Variants in DLGAP1 observed in about 807,000 individuals in gnomAD.
DLGAP1 encodes DLG associated protein 1, also known as disks large-associated protein 1.
DLGAP1 carries 11 observed loss-of-function variants against 90.8 expected under a neutral mutation model. The ratio of observed to expected loss-of-function variants is 0.12; its 90% confidence interval spans 0.08 to 0.20. DLGAP1 has a LOEUF of 0.20. DLGAP1 is among the 10% of genes least tolerant of loss of function. The pLI, the probability that DLGAP1 is intolerant of heterozygous loss-of-function variation, is 1.00. For synonymous variants in DLGAP1, 558 were observed against 540.7 expected, an observed-to-expected ratio of 1.03 and a Z score of -0.44; for missense variants, 1,050 against 1,333.8, an observed-to-expected ratio of 0.79 and a Z score of 3.31.
Position 3,611,148 on chromosome 18 carries a change from A to G in DLGAP1, c.1592-28900T>C, listed in dbSNP as rs865895487. ...CCCTGTCTTTAAAAAAAAAAAGTGTATACTTTTTTTTCCTGTTAATTTACT... is the reference window on the plus strand; with the variant it reads ...CCCTGTCTTTAAAAAAAAAAAGTGTGTACTTTTTTTTCCTGTTAATTTACT... On this transcript the variant is annotated intron_variant, in intron 7 of 12. Coordinates refer to ENST00000315677, the MANE Select transcript of DLGAP1 (RefSeq NM_004746.4). Among the ~76,000 whole-genome samples the G allele has an allele frequency of 1.6e-4, 24 of 151,870 alleles. No individual in the cohort carries two copies. The South Asian group carries it at 4.8e-3, about 30-fold the overall frequency.
intron 7 of DLGAP1, among the ~76,000 whole-genome samples, chr18:3,684,504 TG>T (rs1183085975): frequency 6.6e-6 from 1 of 152,060 alleles, no homozygotes; most frequent in East Asian, 1.9e-4. Flanking sequence ...CTGGCCAAGA[TG>T]TTTTTATTTA....
At chr18:3,887,123 G>A (rs146137625) in intron 3 of DLGAP1, among the ~76,000 whole-genome samples, 227 of 152,318 alleles carry the variant, frequency 1.5e-3, no homozygotes, top group African/African-American at 5.3e-3. Context: ...CCCATAGGAA[G>A]CCAGAGTCCC....
intron 1 of DLGAP1, among the ~76,000 whole-genome samples, chr18:4,259,135 T>G (rs1190036216): frequency 1.3e-5 from 2 of 152,130 alleles, no homozygotes; most frequent in Non-Finnish European, 2.9e-5. Flanking sequence ...CTCCTAGCAA[T>G]CATTCACCCT....
chr18:3,666,480 GCCGCACAGATAAAGCCCATGGAACA>G (rs1438387699), intron 7 of DLGAP1, among the ~76,000 whole-genome samples: 1 of 152,108 alleles, frequency 6.6e-6, no homozygotes, highest in East Asian at 1.9e-4. Flanking sequence ...CTGTCATTAC[GCCGCACAGATAAAGCCCATGGAACA>G]CCTACCAATC....
chr18:3,544,957 T>A (rs1216878591), intron 9 of DLGAP1, among the ~76,000 whole-genome samples: 2 of 151,920 alleles, frequency 1.3e-5, no homozygotes, highest in African/African-American at 4.8e-5. Flanking sequence ...ATAAAGTCAT[T>A]TTAATTTCTC....
intron 1 of DLGAP1, among the ~76,000 whole-genome samples, chr18:4,196,303 G>C (rs114061989): frequency 9.6e-4 from 146 of 152,312 alleles, no homozygotes; most frequent in African/African-American, 3.4e-3. Context: ...AACTGACCTT[G>C]CCTGAGTACA....
intron 1 of DLGAP1, among the ~76,000 whole-genome samples, chr18:4,339,108 GGTTTT>G (rs2081135110): frequency 6.6e-6 from 1 of 152,130 alleles, no homozygotes; most frequent in East Asian, 1.9e-4. Context: ...CATGAAACTG[GGTTTT>G]GACTCCATTC....
chr18:4,088,509 T>A (rs529840423), intron 2 of DLGAP1, among the ~76,000 whole-genome samples: 1 of 152,190 alleles, frequency 6.6e-6, no homozygotes, highest in Non-Finnish European at 1.5e-5. Flanking sequence ...TTTTTGAGGA[T>A]CCAAGTTTCT....
At chr18:4,401,789 A>G (rs1245413012) in intron 1 of DLGAP1, among the ~76,000 whole-genome samples, 2 of 152,032 alleles carry the variant, frequency 1.3e-5, no homozygotes, top group African/African-American at 2.4e-5. Flanking sequence ...GTTTGAAAAG[A>G]AAAGCCATGT....
chr18:3,838,870 A>G (rs2068548131), intron 4 of DLGAP1, among the ~76,000 whole-genome samples: 1 of 152,218 alleles, frequency 6.6e-6, no homozygotes, highest in Non-Finnish European at 1.5e-5. Context: ...AAAATAAATT[A>G]GCATGCATTT....
chr18:4,360,370 A>G (rs1184662748), intron 1 of DLGAP1, among the ~76,000 whole-genome samples: 2 of 152,242 alleles, frequency 1.3e-5, no homozygotes, highest in Non-Finnish European at 2.9e-5. Context: ...GAGTGTCTAG[A>G]ACAGACTTAC....
intron 3 of DLGAP1, among the ~76,000 whole-genome samples, chr18:3,916,299 C>T (rs1461569900): frequency 6.6e-6 from 1 of 152,194 alleles, no homozygotes; most frequent in Non-Finnish European, 1.5e-5. Flanking sequence ...CTTGGGCTCC[C>T]TGCCATCTGT....
At chr18:4,452,148 T>C (rs1414869601) in intron 1 of DLGAP1, among the ~76,000 whole-genome samples, 1 of 152,130 alleles carries the variant, frequency 6.6e-6, no homozygotes, top group Non-Finnish European at 1.5e-5. Flanking sequence ...AGGAAACCAA[T>C]TTCCTCTCCT....
chr18:3,573,700 TTTTA>T (rs887133053), intron 8 of DLGAP1, among the ~76,000 whole-genome samples: 1 of 152,016 alleles, frequency 6.6e-6, no homozygotes, highest in African/African-American at 2.4e-5. Flanking sequence ...CAGGTTTTTA[TTTTA>T]TTTATTTATT....
chr18:4,014,006 C>CGT (rs1001419931), intron 2 of DLGAP1: 5 of 151,564 alleles, frequency 3.3e-5, no homozygotes, highest in African/African-American at 1.2e-4. Context: ...AAATCAATAC[C>CGT]GTATACTTGG....
intron 1 of DLGAP1, among the ~76,000 whole-genome samples, chr18:4,304,931 CAA>C (rs36110099): frequency 2.1e-5 from 3 of 142,318 alleles, no homozygotes; most frequent in Admixed American, 1.4e-4. Context: ...AACTGTGTCT[CAA>C]AAAAAAAAAA....
intron 1 of DLGAP1, among the ~76,000 whole-genome samples, chr18:4,278,290 A>C (rs2079463683): frequency 6.6e-6 from 1 of 151,910 alleles, no homozygotes; most frequent in South Asian, 2.1e-4. Flanking sequence ...CTTTTATTTT[A>C]TTTTACTTAT....
chr18:3,688,081 A>G (rs2060763682), intron 7 of DLGAP1, among the ~76,000 whole-genome samples: 1 of 151,700 alleles, frequency 6.6e-6, no homozygotes, highest in Non-Finnish European at 1.5e-5. Context: ...TAATTTTTGT[A>G]TTTTGTTTTA....
Position 4,068,514 on chromosome 18 carries a change from G to A in DLGAP1, c.-158-63313C>T, listed in dbSNP as rs139302560. 1.4e-3 allele frequency among the ~76,000 whole-genome samples: 218 copies of A among 151,956 alleles called. 2 individuals are homozygous for A. The East Asian group carries it at 0.033, about 23-fold the overall frequency. ...TAATATACCAACAATATCATGAACTGATTTAGATGTTTAGATTATTTTTGG... is the reference window on the plus strand; with the variant it reads ...TAATATACCAACAATATCATGAACTAATTTAGATGTTTAGATTATTTTTGG... On this transcript the variant is annotated intron_variant, in intron 2 of 12. Coordinates refer to ENST00000315677, the MANE Select transcript of DLGAP1 (RefSeq NM_004746.4).
Sources: gnomAD v4.1 joint callset for allele counts (sites outside exome capture counted in the v4.1 genomes callset) on GRCh38, gnomAD v4.1.1 for gene constraint, MANE v1.5 for transcripts, NCBI Gene and HGNC (gene_info 2026-07-23, HGNC 2026-07-21) for gene names.